Variants in UBE3C observed in about 807,000 individuals in gnomAD.
UBE3C encodes the protein ubiquitin-protein ligase E3C.
UBE3C carries 42 observed loss-of-function variants against 129.4 expected under a neutral mutation model. The observed-to-expected ratio is 0.32, with a 90% confidence interval of 0.25 to 0.42. The LOEUF (loss-of-function observed/expected upper bound fraction) is 0.42. UBE3C is among the 10% of genes least tolerant of loss of function. The pLI, the probability that UBE3C is intolerant of heterozygous loss-of-function variation, is 1.00. For synonymous variants in UBE3C, 510 were observed against 492.4 expected (o/e 1.04, Z -0.47); for missense variants, 1,049 against 1,319.1 (o/e 0.80, Z 3.17).
Position 157,139,323 on chromosome 7 carries a change from C to A in UBE3C, c.51C>A (p.Gly17=). 6.3e-7 allele frequency: 1 copy of A among 1,582,490 alleles called. No homozygotes were observed. ...AGACGCGGCCCAAGGTGTCCCTTGG[C>A]GGCGCGAGCAGGAAGGTGAGGGCCG... ...DFKTRPKVSL[G]GASRKEEKAS... The change falls in exon 1 of 23, where the codon GGC becomes GGA. Residue 17 remains glycine (G), a synonymous_variant. Transcript: ENST00000348165.
At chr7:157,145,144 G>A (rs1563026033) in intron 1 of UBE3C, among the ~76,000 whole-genome samples, 2 of 152,218 alleles carry the variant, frequency 1.3e-5, no homozygotes, top group Admixed American at 1.3e-4. Context: ...GGGAGGCTGA[G>A]GCAGGAGAAT....
intron 1 of UBE3C, among the ~76,000 whole-genome samples, chr7:157,140,394 T>G (rs1413336349): frequency 6.6e-6 from 1 of 152,166 alleles, no homozygotes; most frequent in Non-Finnish European, 1.5e-5. Context: ...GAGAGAAGTG[T>G]GCTGATAATT....
intron 16 of UBE3C, among the ~76,000 whole-genome samples, chr7:157,224,775 TAC>T (rs34300175): frequency 1.4e-5 from 2 of 147,014 alleles, no homozygotes; most frequent in African/African-American, 2.5e-5. Context: ...TGCACGTGCG[TAC>T]ACACACACAC....
In UBE3C at chr7:157,154,396, C is replaced by T. The variant is rs149557310; in HGVS notation, c.67-9414C>T. 3.3e-3 allele frequency among the ~76,000 whole-genome samples: 510 copies of T among 152,250 alleles called. 2 individuals carry two copies. The highest frequency in any genetic ancestry group is 0.011 in the African/African-American group (473 of 41,546). ...TCTCACTGAATCCCCTAACTTCCCA[C>T]CATTATTTTCTCAGTATCCTCTCAG... is the stretch of plus-strand genomic sequence containing the variant. On this transcript the variant is annotated intron_variant, in intron 1 of 22. Transcript: ENST00000348165.
chr7:157,243,298 C>A (rs1417831961), intron 18 of UBE3C, among the ~76,000 whole-genome samples: 1 of 152,102 alleles, frequency 6.6e-6, no homozygotes, highest in African/African-American at 2.4e-5. Flanking sequence ...AGAAAAGGTA[C>A]GAGCACTGTG....
At position 157,268,629 on chromosome 7, in the gene UBE3C, A is replaced by G. The variant is rs923843531; in HGVS notation, c.*874A>G. On this transcript the variant is annotated 3_prime_UTR_variant, in exon 23 of 23. Coordinates refer to ENST00000348165, the MANE Select transcript of UBE3C (RefSeq NM_014671.3). Reference sequence around the variant, plus strand: ...CCGATGCTAGCCGTGCCGGTCTCCCATCATCCGCTCGCCCTCCTTTCCCCT... The same window carrying G: ...CCGATGCTAGCCGTGCCGGTCTCCCGTCATCCGCTCGCCCTCCTTTCCCCT... 2.0e-5 allele frequency: 3 copies of G among 152,686 alleles called. No homozygotes were observed. Among genetic ancestry groups the G allele is most frequent in the African/African-American group, 4.8e-5 (2 of 41,456 alleles). 9.5% of individuals were successfully genotyped at this position (152,686 alleles called of 1,614,324 possible).
intron 11 of UBE3C, among the ~76,000 whole-genome samples, chr7:157,204,398 CAAAAA>C (rs35298527): frequency 1.3e-4 from 11 of 86,362 alleles, no homozygotes; most frequent in Admixed American, 7.9e-4. Flanking sequence ...AACTTTGTTT[CAAAAA>C]AAAAAAAAAA....
chr7:157,218,060 G>A (rs1372483284), intron 14 of UBE3C, among the ~76,000 whole-genome samples: 1 of 151,938 alleles, frequency 6.6e-6, no homozygotes, highest in Non-Finnish European at 1.5e-5. Context: ...TTAACAGAGG[G>A]ACATAAGGTA....
At chr7:157,258,330 G>A (rs1197340607) in intron 22 of UBE3C, among the ~76,000 whole-genome samples, 2 of 152,206 alleles carry the variant, frequency 1.3e-5, no homozygotes, top group Admixed American at 1.3e-4. Context: ...TGAGGCTGAG[G>A]TAGGAGGATT....
chr7:157,183,918 G>A lies in UBE3C; in HGVS notation c.1032G>A (p.Val344=), dbSNP rs1342876173. 6.2e-7 allele frequency: 1 copy of A among 1,614,142 alleles called. No homozygotes were observed. Among genetic ancestry groups the A allele is most frequent in the South Asian group, 1.1e-5 (1 of 91,076 alleles). Residue 344 remains valine (V), a synonymous_variant, in exon 9 of 23, where the codon GTG becomes GTA. Transcript: ENST00000348165. Reference sequence around the variant, plus strand: ...AAGGGCTGCTGGTGTATTTGCGGGTGCTGCAGACCTTCCTCTCTCAGTTAC... The same window carrying A: ...AAGGGCTGCTGGTGTATTTGCGGGTACTGCAGACCTTCCTCTCTCAGTTAC... ...SEEGLLVYLR[V]LQTFLSQLPV...
chr7:157,190,766 C>A (rs911891714), intron 10 of UBE3C, among the ~76,000 whole-genome samples: 1 of 152,084 alleles, frequency 6.6e-6, no homozygotes, highest in African/African-American at 2.4e-5. Context: ...GTGCAGTATC[C>A]CCTTGTTATC....
chr7:157,244,859 T>C (rs1040857128), intron 18 of UBE3C, among the ~76,000 whole-genome samples: 1 of 152,188 alleles, frequency 6.6e-6, no homozygotes, highest in African/African-American at 2.4e-5. Context: ...CCTATTGCTA[T>C]TTTTTTCATG....
chr7:157,262,640 C>T (rs1297544731), intron 22 of UBE3C, among the ~76,000 whole-genome samples: 5 of 152,010 alleles, frequency 3.3e-5, no homozygotes, highest in African/African-American at 4.8e-5. Flanking sequence ...AGGCTGGTCT[C>T]GAACTCCTGA....
rs547300775 is a variant in UBE3C at position 157,140,058 on chromosome 7, C to G, written c.66+720C>G. On this transcript the variant is annotated intron_variant, in intron 1 of 22. Coordinates refer to ENST00000348165, the MANE Select transcript of UBE3C (RefSeq NM_014671.3). ...TAAGGGTAGGCAAACCATGACGCCT[C>G]TGTTCTAGTCTAGAATTTCTAGCTG... 8.5e-5 allele frequency: 84 copies of G among 984,578 alleles called. No individual in the cohort carries two copies. The African/African-American group carries it at 1.2e-3, about 15-fold the overall frequency. The allele number at this position is 984,578 out of a possible 1,614,324, so 61.0% of individuals were successfully genotyped here.
intron 17 of UBE3C, among the ~76,000 whole-genome samples, chr7:157,226,189 C>A (rs1795873710): frequency 6.6e-6 from 1 of 152,044 alleles, no homozygotes; most frequent in Non-Finnish European, 1.5e-5. Flanking sequence ...TATATGAAAT[C>A]ACAAATTGTA....
At chr7:157,260,051 A>C (rs1408491093) in intron 22 of UBE3C, among the ~76,000 whole-genome samples, 3 of 152,124 alleles carry the variant, frequency 2.0e-5, no homozygotes, top group Non-Finnish European at 4.4e-5. Flanking sequence ...TATAAACTTA[A>C]ACGTGTTAGT....
At chr7:157,259,759 A>G (rs1298945527) in intron 22 of UBE3C, among the ~76,000 whole-genome samples, 1 of 152,216 alleles carries the variant, frequency 6.6e-6, no homozygotes, top group Non-Finnish European at 1.5e-5. Flanking sequence ...GGAGCGACCC[A>G]AAACCGGATT....
At chr7:157,258,778 A>G (rs1796824100) in intron 22 of UBE3C, among the ~76,000 whole-genome samples, 1 of 152,094 alleles carries the variant, frequency 6.6e-6, no homozygotes, top group Non-Finnish European at 1.5e-5. Flanking sequence ...ATTTTTTTAT[A>G]TTTCTGAGTG....
chr7:157,232,734 T>C (rs1189442814), intron 18 of UBE3C, among the ~76,000 whole-genome samples: 1 of 152,272 alleles, frequency 6.6e-6, no homozygotes, highest in Non-Finnish European at 1.5e-5. Flanking sequence ...ATAATCATTT[T>C]CAACTTTGTA....
Sources: allele counts gnomAD v4.1 joint callset (sites outside exome capture counted in the v4.1 genomes callset), GRCh38; gene constraint gnomAD v4.1.1; transcripts MANE v1.5; gene names NCBI Gene and HGNC (gene_info 2026-07-23, HGNC 2026-07-21).